WDFY2: variants seen among roughly 807,000 people sequenced by gnomAD.
WDFY2 encodes WD repeat and FYVE domain containing 2.
A neutral mutation model predicts 56.4 loss-of-function variants in WDFY2; 36 were observed. The ratio of observed to expected loss-of-function variants is 0.64; its 90% CI spans 0.49 to 0.84. The LOEUF is 0.84. Ranked by LOEUF, WDFY2 falls within the 40% of genes least tolerant of loss-of-function variation. The pLI is 0.00. For missense variants in WDFY2, 444 were observed against 512.2 expected, an observed-to-expected ratio of 0.87 and a Z score of 1.29; for synonymous variants, 176 against 183.7, an observed-to-expected ratio of 0.96 and a Z score of 0.34.
chr13:51,693,807 T>C (rs1951801019), intron 3 of WDFY2, among the ~76,000 whole-genome samples: 1 of 152,182 alleles, frequency 6.6e-6, no homozygotes, highest in Non-Finnish European at 1.5e-5. Context: ...ATTATTATTG[T>C]GTGGGAGTCT....
At chr13:51,700,814 T>C (rs926165995) in intron 3 of WDFY2, among the ~76,000 whole-genome samples, 6 of 151,312 alleles carry the variant, frequency 4.0e-5, no homozygotes, top group African/African-American at 1.5e-4. Flanking sequence ...AAAAATACAA[T>C]AAATTAGCCA....
chr13:51,664,641 G>A (rs530574918), intron 2 of WDFY2, among the ~76,000 whole-genome samples: 12 of 152,282 alleles, frequency 7.9e-5, no homozygotes, highest in Non-Finnish European at 1.8e-4. Flanking sequence ...ATGCCCATTT[G>A]TGCCTAAGTT....
At chr13:51,671,825 C>G (rs1218140538) in intron 2 of WDFY2, among the ~76,000 whole-genome samples, 1 of 144,068 alleles carries the variant, frequency 6.9e-6, no homozygotes, top group Admixed American at 7.1e-5. Flanking sequence ...CCTCTGTTGC[C>G]CAGGCTGGAG....
At position 51,606,238 on chromosome 13, in the gene WDFY2, T is replaced by G. The variant is rs1954383030; in HGVS notation, c.137+21414T>G. ...CTTTAATTCAGTTGGTATCTCTAAT[T>G]CAAAAATTTCGATTTGATTTTTGTT... On this transcript the variant is annotated intron_variant, in intron 1 of 11. Transcript: ENST00000298125. Among the ~76,000 whole-genome samples the G allele has an allele frequency of 2.0e-5, 3 of 152,322 alleles. No homozygotes were observed. In the South Asian group the frequency reaches 6.2e-4, roughly 32 times the overall value.
At chr13:51,756,656 T>A (rs922778934) in intron 10 of WDFY2, 194 bp downstream of exon 10, 1 of 984,914 alleles carries the variant, frequency 1.0e-6, no homozygotes, top group East Asian at 1.1e-4. Flanking sequence ...GAAGAGAAAA[T>A]ACACTCAAAG....
intron 1 of WDFY2, among the ~76,000 whole-genome samples, chr13:51,601,017 T>C (rs902864710): frequency 3.3e-5 from 5 of 152,222 alleles, no homozygotes; most frequent in Non-Finnish European, 7.3e-5. Context: ...TGGGTAGGTA[T>C]TTCAATATGA....
At chr13:51,730,844 T>C (rs1952707440) in intron 6 of WDFY2, among the ~76,000 whole-genome samples, 1 of 152,128 alleles carries the variant, frequency 6.6e-6, no homozygotes, top group Admixed American at 6.5e-5. Context: ...GTCACTCTTT[T>C]TTGGCAGGAA....
intron 3 of WDFY2, among the ~76,000 whole-genome samples, chr13:51,701,520 CAAAAA>C (rs368134096): frequency 6.3e-5 from 5 of 79,572 alleles, no homozygotes; most frequent in Non-Finnish European, 9.4e-5. Context: ...GATTCCATCT[CAAAAA>C]AAAAAAAAAA....
At chr13:51,675,278 A>G in intron 3 of WDFY2, 35 bp downstream of exon 3, 1 of 1,567,318 alleles carries the variant, frequency 6.4e-7, no homozygotes, top group Non-Finnish European at 8.8e-7. Flanking sequence ...CAGTTGAAAT[A>G]CTTCCCTTCC....
At chr13:51,675,395 T>C (rs945799060) in intron 3 of WDFY2, 152 bp downstream of exon 3, 1 of 686,314 alleles carries the variant, frequency 1.5e-6, no homozygotes, top group Non-Finnish European at 2.4e-6. Context: ...AGGTAAGAGA[T>C]TCTAATGTAG....
chr13:51,598,892 C>T (rs960338989), intron 1 of WDFY2: 4 of 148,496 alleles, frequency 2.7e-5, no homozygotes, highest in African/African-American at 9.9e-5. Flanking sequence ...CACTGGTCCA[C>T]AAGTGCCATT....
intron 1 of WDFY2, among the ~76,000 whole-genome samples, chr13:51,660,089 T>A (rs1455746458): frequency 6.6e-6 from 1 of 152,220 alleles, no homozygotes; most frequent in African/African-American, 2.4e-5. Context: ...TCTGAATATG[T>A]AGAAGCCGCA....
chr13:51,607,296 C>T (rs1033611173), intron 1 of WDFY2, among the ~76,000 whole-genome samples: 1 of 152,180 alleles, frequency 6.6e-6, no homozygotes, highest in Non-Finnish European at 1.5e-5. Flanking sequence ...CTTTAGTAGA[C>T]TTGCTTGGAT....
intron 3 of WDFY2, among the ~76,000 whole-genome samples, chr13:51,682,176 C>A (rs1955988511): frequency 6.6e-6 from 1 of 152,144 alleles, no homozygotes; most frequent in African/African-American, 2.4e-5. Flanking sequence ...GGATTGAAGT[C>A]ATTTATGCAC....
chr13:51,628,804 G>A (rs990964959), intron 1 of WDFY2, among the ~76,000 whole-genome samples: 2 of 152,174 alleles, frequency 1.3e-5, no homozygotes, highest in Admixed American at 1.3e-4. Flanking sequence ...TCTAAAAAGG[G>A]CCTTAGAAAC....
chr13:51,628,360 G>A (rs1954879030), intron 1 of WDFY2, among the ~76,000 whole-genome samples: 1 of 152,252 alleles, frequency 6.6e-6, no homozygotes, highest in Admixed American at 6.5e-5. Flanking sequence ...CTTCAACTTT[G>A]TTCTGAAATC....
chr13:51,625,001 C>T (rs1593895361), intron 1 of WDFY2, among the ~76,000 whole-genome samples: 1 of 152,166 alleles, frequency 6.6e-6, no homozygotes, highest in Admixed American at 6.5e-5. Context: ...AAATGGGGAG[C>T]CACTGCAGAG....
chr13:51,690,283 G>A (rs991296601), intron 3 of WDFY2, among the ~76,000 whole-genome samples: 5 of 150,956 alleles, frequency 3.3e-5, no homozygotes, highest in Admixed American at 6.6e-5. Context: ...CCATGCTGGT[G>A]CGCTGCATCC....
chr13:51,653,754 C>A (rs550225618), intron 1 of WDFY2, among the ~76,000 whole-genome samples: 1 of 142,766 alleles, frequency 7.0e-6, no homozygotes, highest in African/African-American at 2.6e-5. Flanking sequence ...GCTGCCTGAT[C>A]GTTCCTCTGG....
Sources: gnomAD v4.1 joint callset for allele counts (sites outside exome capture counted in the v4.1 genomes callset) on GRCh38, gnomAD v4.1.1 for gene constraint, MANE v1.5 for transcripts, NCBI Gene and HGNC (gene_info 2026-07-23, HGNC 2026-07-21) for gene names.